Variants in CNTNAP2 observed in about 807,000 individuals in gnomAD.
CNTNAP2 encodes the protein contactin associated protein 2, also known as contactin-associated protein-like 2.
In CNTNAP2, 98 loss-of-function variants were observed where a neutral mutation model predicts 155.2. That is an observed-to-expected ratio of 0.63 (90% confidence interval 0.54 to 0.75). The LOEUF (loss-of-function observed/expected upper bound fraction) is 0.75. Ranked by LOEUF, CNTNAP2 falls within the 30% of genes least tolerant of loss-of-function variation. CNTNAP2 has a pLI of 0.00. For missense variants in CNTNAP2, 1,727 were observed against 1,688.1 expected, an observed-to-expected ratio of 1.02 and a Z score of -0.40; for synonymous variants, 651 against 631.2, an observed-to-expected ratio of 1.03 and a Z score of -0.47.
chr7:146,794,634 T>C (rs1418621967), intron 2 of CNTNAP2, among the ~76,000 whole-genome samples: 1 of 152,158 alleles, frequency 6.6e-6, no homozygotes, highest in Non-Finnish European at 1.5e-5. Flanking sequence ...ATGGTGTCTG[T>C]TGTATGTAGT....
intron 8 of CNTNAP2, among the ~76,000 whole-genome samples, chr7:147,243,815 T>A (rs538896867): frequency 3.9e-5 from 6 of 152,292 alleles, no homozygotes; most frequent in African/African-American, 1.4e-4. Context: ...CACAAAGGGC[T>A]GTCATGAACA....
intron 21 of CNTNAP2, among the ~76,000 whole-genome samples, chr7:148,269,466 T>TGC (rs1796736934): frequency 6.6e-6 from 1 of 152,208 alleles, no homozygotes; most frequent in African/African-American, 2.4e-5. Flanking sequence ...TGACATCACA[T>TGC]GTTACACGTG....
At chr7:147,507,617 A>T (rs1376007581) in intron 11 of CNTNAP2, among the ~76,000 whole-genome samples, 4 of 140,580 alleles carry the variant, frequency 2.8e-5, no homozygotes, top group Non-Finnish European at 4.5e-5. Context: ...CAGTAGGGCA[A>T]TCTCGGCTCA....
chr7:147,000,931 T>C (rs1798410287), intron 3 of CNTNAP2, among the ~76,000 whole-genome samples: 1 of 152,074 alleles, frequency 6.6e-6, no homozygotes, highest in African/African-American at 2.4e-5. Flanking sequence ...TGCACTATGG[T>C]GGGTCTAAAG....
chr7:147,367,297 T>C (rs1439405316), intron 9 of CNTNAP2, among the ~76,000 whole-genome samples: 1 of 152,156 alleles, frequency 6.6e-6, no homozygotes, highest in Non-Finnish European at 1.5e-5. Flanking sequence ...CACCTCTACA[T>C]TGGCAGAGAA....
intron 1 of CNTNAP2, among the ~76,000 whole-genome samples, chr7:146,677,350 A>G (rs1025344774): frequency 6.6e-6 from 1 of 152,206 alleles, no homozygotes; most frequent in African/African-American, 2.4e-5. Context: ...AGGTTTGATC[A>G]TGCAGACAAA....
chr7:146,627,786 A>G (rs1324148633), intron 1 of CNTNAP2, among the ~76,000 whole-genome samples: 2 of 152,140 alleles, frequency 1.3e-5, no homozygotes, highest in Non-Finnish European at 2.9e-5. Flanking sequence ...TCTAAAATAT[A>G]AATGCATGAA....
chr7:146,349,301 C>A (rs1391498166), intron 1 of CNTNAP2, among the ~76,000 whole-genome samples: 3 of 152,122 alleles, frequency 2.0e-5, no homozygotes, highest in African/African-American at 7.2e-5. Flanking sequence ...ATCACAGATG[C>A]CATCATAGAA....
intron 1 of CNTNAP2, among the ~76,000 whole-genome samples, chr7:146,263,384 T>A (rs781588583): frequency 6.6e-6 from 1 of 152,198 alleles, no homozygotes; most frequent in Non-Finnish European, 1.5e-5. Flanking sequence ...TCCCTTACTC[T>A]TAAGCGTAGT....
chr7:148,358,852 C>T (rs1190714148), intron 21 of CNTNAP2, among the ~76,000 whole-genome samples: 1 of 152,200 alleles, frequency 6.6e-6, no homozygotes, highest in African/African-American at 2.4e-5. Context: ...ATGTAAATTG[C>T]TCAGCCTAGG....
At chr7:147,139,123 A>G (rs1268474864) in intron 8 of CNTNAP2, among the ~76,000 whole-genome samples, 12 of 151,936 alleles carry the variant, frequency 7.9e-5, no homozygotes, top group Admixed American at 7.9e-4. Flanking sequence ...ACATAGAAGC[A>G]AATTAACTTT....
intron 8 of CNTNAP2, among the ~76,000 whole-genome samples, chr7:147,231,467 A>T (rs1803680060): frequency 6.6e-6 from 1 of 152,210 alleles, no homozygotes; most frequent in South Asian, 2.1e-4. Flanking sequence ...GGATTGCCAG[A>T]TCACGTGATA....
intron 15 of CNTNAP2, among the ~76,000 whole-genome samples, chr7:148,026,708 A>G (rs1802381682): frequency 4.6e-5 from 7 of 152,166 alleles, no homozygotes; most frequent in Admixed American, 4.6e-4. Context: ...TACAGCTTGA[A>G]AACTCTACAA....
chr7:146,846,532 G>A (rs759046285), intron 3 of CNTNAP2, among the ~76,000 whole-genome samples: 1 of 152,070 alleles, frequency 6.6e-6, no homozygotes, highest in African/African-American at 2.4e-5. Flanking sequence ...TAAGTTGAGT[G>A]GATATTCCAG....
chr7:147,599,675 T>C (rs565250713), intron 12 of CNTNAP2, among the ~76,000 whole-genome samples: 4 of 152,216 alleles, frequency 2.6e-5, no homozygotes, highest in African/African-American at 9.6e-5. Flanking sequence ...TTGAGTTCTT[T>C]GGCATGTCAC....
intron 12 of CNTNAP2, among the ~76,000 whole-genome samples, chr7:147,596,266 C>G (rs562116399): frequency 6.6e-6 from 1 of 152,276 alleles, no homozygotes; most frequent in African/African-American, 2.4e-5. Context: ...TTACTACCTG[C>G]CATATCCAAC....
chr7:146,787,060 C>T (rs991607333), intron 2 of CNTNAP2, among the ~76,000 whole-genome samples: 1 of 152,208 alleles, frequency 6.6e-6, no homozygotes, highest in African/African-American at 2.4e-5. Context: ...TAGCCAGTGT[C>T]TGGCACATAC....
intron 1 of CNTNAP2, among the ~76,000 whole-genome samples, chr7:146,176,050 A>G (rs1048644798): frequency 2.0e-5 from 3 of 152,228 alleles, no homozygotes; most frequent in African/African-American, 7.2e-5. Context: ...GGGGAAATTT[A>G]CATACACTAT....
intron 9 of CNTNAP2, among the ~76,000 whole-genome samples, chr7:147,345,209 G>C (rs1795833783): frequency 6.6e-6 from 1 of 152,058 alleles, no homozygotes; most frequent in Non-Finnish European, 1.5e-5. Flanking sequence ...GGTATATTCT[G>C]AGTGGGTGGC....
Sources: allele counts gnomAD v4.1 joint callset (sites outside exome capture counted in the v4.1 genomes callset), GRCh38; gene constraint gnomAD v4.1.1; transcripts MANE v1.5; gene names NCBI Gene and HGNC (gene_info 2026-07-23, HGNC 2026-07-21).